SOX6: variants seen among roughly 807,000 people sequenced by gnomAD.
The protein encoded by SOX6 is transcription factor SOX-6.
SOX6 carries 11 observed loss-of-function variants against 97.8 expected under a neutral mutation model. That is an observed-to-expected ratio of 0.11 (90% CI 0.07 to 0.19). SOX6 has a LOEUF of 0.19. Among genes scored for constraint, SOX6 ranks in the 10% least tolerant of loss-of-function variants. The pLI is 1.00. For synonymous variants in SOX6, 360 were observed against 371.4 expected (o/e 0.97, Z 0.35); for missense variants, 810 against 1,039.5 (o/e 0.78, Z 3.04).
intron 12 of SOX6, among the ~76,000 whole-genome samples, chr11:16,018,941 G>A (rs557034797): frequency 9.2e-5 from 14 of 152,234 alleles, no homozygotes; most frequent in African/African-American, 3.4e-4. Context: ...AGCAATAAAT[G>A]ATATTTATAC....
At chr11:16,093,614 T>C (rs1467093287) in intron 9 of SOX6, among the ~76,000 whole-genome samples, 1 of 151,792 alleles carries the variant, frequency 6.6e-6, no homozygotes, top group Non-Finnish European at 1.5e-5. Flanking sequence ...TGGGGGAGTA[T>C]ATGTGTTATA....
intron 4 of SOX6, among the ~76,000 whole-genome samples, chr11:16,205,507 T>C (rs985135990): frequency 6.6e-6 from 1 of 152,020 alleles, no homozygotes; most frequent in Admixed American, 6.6e-5. Flanking sequence ...AAACAAGGTA[T>C]CAAAATAACA....
intron 1 of SOX6, among the ~76,000 whole-genome samples, chr11:16,431,838 A>G (rs1413391886): frequency 6.6e-6 from 1 of 152,142 alleles, no homozygotes; most frequent in East Asian, 1.9e-4. Context: ...CATTATTATC[A>G]TGTTGACATT....
At chr11:16,503,049 G>A (rs990944905) in intron 4 of SOX6, among the ~76,000 whole-genome samples, 2 of 152,068 alleles carry the variant, frequency 1.3e-5, no homozygotes, top group African/African-American at 4.8e-5. Flanking sequence ...GACAGAATGG[G>A]ATAATATATT....
At chr11:16,328,410 G>A (rs1360823768) in intron 2 of SOX6, among the ~76,000 whole-genome samples, 1 of 152,154 alleles carries the variant, frequency 6.6e-6, no homozygotes, top group Non-Finnish European at 1.5e-5. Context: ...AGTCATTTAT[G>A]TTTTAAATTA....
chr11:16,416,983 T>G (rs1291844157), intron 1 of SOX6, among the ~76,000 whole-genome samples: 1 of 152,060 alleles, frequency 6.6e-6, no homozygotes, highest in Non-Finnish European at 1.5e-5. Flanking sequence ...CCATGTAAAT[T>G]TGATGTCCTT....
At chr11:16,549,713 A>T (rs113304340) in intron 4 of SOX6, among the ~76,000 whole-genome samples, 1 of 151,974 alleles carries the variant, frequency 6.6e-6, no homozygotes, top group African/African-American at 2.4e-5. Flanking sequence ...AACTGGTGAT[A>T]AAAAAAACAA....
At chr11:16,175,487 AT>A (rs1851159554) in intron 6 of SOX6, among the ~76,000 whole-genome samples, 1 of 151,916 alleles carries the variant, frequency 6.6e-6, no homozygotes, top group South Asian at 2.1e-4. Flanking sequence ...ACCCTAATTT[AT>A]TTATCTCCAA....
intron 3 of SOX6, among the ~76,000 whole-genome samples, chr11:16,274,838 T>C (rs1450375415): frequency 6.6e-6 from 1 of 152,170 alleles, no homozygotes; most frequent in East Asian, 1.9e-4. Flanking sequence ...AATAAATTAT[T>C]AGGCCTTTTG....
At chr11:16,268,152 T>A (rs1438589784) in intron 3 of SOX6, among the ~76,000 whole-genome samples, 1 of 151,342 alleles carries the variant, frequency 6.6e-6, no homozygotes, top group Non-Finnish European at 1.5e-5. Context: ...AGCTAGTAAT[T>A]GAGTACTGCA....
At chr11:16,306,987 C>T (rs1043280555) in intron 3 of SOX6, among the ~76,000 whole-genome samples, 1 of 152,044 alleles carries the variant, frequency 6.6e-6, no homozygotes, top group East Asian at 1.9e-4. Context: ...ACTCCAGGAA[C>T]CAAATTCTAA....
intron 4 of SOX6, among the ~76,000 whole-genome samples, chr11:16,589,628 A>T (rs1238581530): frequency 6.6e-6 from 1 of 152,114 alleles, no homozygotes; most frequent in Non-Finnish European, 1.5e-5. Flanking sequence ...AACAATGATG[A>T]TCCATGCATA....
intron 12 of SOX6, chr11:16,015,378 A>C: frequency 3.0e-6 from 1 of 333,600 alleles, no homozygotes; most frequent in Non-Finnish European, 5.6e-6. Context: ...CAATGCAAAA[A>C]CCTGAAAGAG....
At chr11:15,986,800 G>A (rs1254157024) in intron 14 of SOX6, among the ~76,000 whole-genome samples, 1 of 152,112 alleles carries the variant, frequency 6.6e-6, no homozygotes, top group Non-Finnish European at 1.5e-5. Context: ...GAAAAGCTTT[G>A]TTTGTCCTAG....
intron 13 of SOX6, among the ~76,000 whole-genome samples, chr11:15,994,939 C>G (rs1421197697): frequency 1.3e-5 from 2 of 152,142 alleles, no homozygotes; most frequent in African/African-American, 4.8e-5. Context: ...GAATGAAAGG[C>G]ATTTTACTAA....
chr11:16,013,663 A>C (rs1361632725), intron 13 of SOX6, among the ~76,000 whole-genome samples: 1 of 150,134 alleles, frequency 6.7e-6, no homozygotes, highest in Non-Finnish European at 1.5e-5. Context: ...ACTCCCATAG[A>C]CACATATACA....
Position 16,701,164 on chromosome 11 carries a change from A to C in SOX6, n.429+13666T>G, listed in dbSNP as rs1290024631. On this transcript the variant is annotated intron_variant and non_coding_transcript_variant, in intron 3 of 5. Transcript: ENST00000524520. ...CATTCATACAAACAGATTTCTTGCC[A>C]TCCAAAGGAATTAGTGTGAACAATG... Among the ~76,000 whole-genome samples the C allele has an allele frequency of 5.9e-5, 9 of 152,238 alleles. No homozygotes were observed. The East Asian group carries it at 1.2e-3, about 20-fold the overall frequency.
At chr11:16,178,358 A>T (rs1414156693) in intron 6 of SOX6, among the ~76,000 whole-genome samples, 1 of 152,026 alleles carries the variant, frequency 6.6e-6, no homozygotes, top group Admixed American at 6.6e-5. Flanking sequence ...AGCATCTATC[A>T]TGACTTTTAA....
At chr11:16,693,119 G>C (rs935791050) in intron 3 of SOX6, among the ~76,000 whole-genome samples, 1 of 152,146 alleles carries the variant, frequency 6.6e-6, no homozygotes, top group African/African-American at 2.4e-5. Context: ...ATTCCTAGAA[G>C]TGAGGTTGAA....
Sources: gnomAD v4.1 joint callset for allele counts (sites outside exome capture counted in the v4.1 genomes callset) on GRCh38, gnomAD v4.1.1 for gene constraint, MANE v1.5 for transcripts, NCBI Gene and HGNC (gene_info 2026-07-23, HGNC 2026-07-21) for gene names.